TTC28: variants seen among roughly 807,000 people sequenced by gnomAD.
TTC28 encodes tetratricopeptide repeat protein 28.
In TTC28, 61 loss-of-function variants were observed where a neutral mutation model predicts 198.0. The ratio of observed to expected loss-of-function variants is 0.31; its 90% CI spans 0.25 to 0.38. The LOEUF is 0.38. Ranked by LOEUF, TTC28 falls within the 10% of genes least tolerant of loss-of-function variation. The pLI, the probability that TTC28 is intolerant of heterozygous loss-of-function variation, is 1.00. For missense variants in TTC28, 2,678 were observed against 3,164.0 expected (o/e 0.85, Z 3.69); for synonymous variants, 1,171 against 1,297.8 (o/e 0.90, Z 2.10).
intron 1 of TTC28, among the ~76,000 whole-genome samples, chr22:28,630,637 C>CT (rs749017283): frequency 4.9e-4 from 74 of 152,206 alleles, no homozygotes; most frequent in Non-Finnish European, 8.7e-4. Context: ...TATAGCCACA[C>CT]AAAACAGACT....
At chr22:28,368,514 T>C (rs1046283251) in intron 2 of TTC28, among the ~76,000 whole-genome samples, 1 of 152,048 alleles carries the variant, frequency 6.6e-6, no homozygotes, top group Non-Finnish European at 1.5e-5. Context: ...TTTACCACTG[T>C]TATTCAACAT....
intron 5 of TTC28, among the ~76,000 whole-genome samples, chr22:28,226,076 T>C (rs1928321125): frequency 6.6e-6 from 1 of 152,254 alleles, no homozygotes; most frequent in African/African-American, 2.4e-5. Flanking sequence ...AGTTTTTGGC[T>C]ATTATAGATA....
chr22:28,600,670 T>C (rs1220716225), intron 2 of TTC28, among the ~76,000 whole-genome samples: 2 of 152,080 alleles, frequency 1.3e-5, no homozygotes, highest in Admixed American at 6.6e-5. Context: ...AACCAACCCA[T>C]CAACCTACAC....
chr22:28,477,543 AAAC>A (rs2048183494), intron 2 of TTC28, among the ~76,000 whole-genome samples: 1 of 152,252 alleles, frequency 6.6e-6, no homozygotes. Flanking sequence ...AATCTAGAGA[AAAC>A]AACTAATCAC....
chr22:28,378,987 T>G (rs2146018847), intron 2 of TTC28, among the ~76,000 whole-genome samples: 1 of 152,074 alleles, frequency 6.6e-6, no homozygotes, highest in South Asian at 2.1e-4. Context: ...TTTAAATACA[T>G]TAATAAAGAA....
chr22:28,151,225 A>G (rs1447664243), intron 6 of TTC28, among the ~76,000 whole-genome samples: 1 of 152,210 alleles, frequency 6.6e-6, no homozygotes, highest in Non-Finnish European at 1.5e-5. Context: ...GTAATTCATC[A>G]AGCCCATTTC....
In TTC28 at chr22:27,978,545, C is replaced by G. The variant is rs576867828; in HGVS notation, c.*3676G>C. ...AGGGACCGGCTGCAGTGATCATATGCTGGAGCGTCACTGGGACAGAGAGAG... is the reference window on the plus strand; with the variant it reads ...AGGGACCGGCTGCAGTGATCATATGGTGGAGCGTCACTGGGACAGAGAGAG... On this transcript the variant is annotated 3_prime_UTR_variant, in exon 23 of 23. Coordinates refer to ENST00000397906, the MANE Select transcript of TTC28 (RefSeq NM_001145418.2). 1.2e-4 allele frequency: 19 copies of G among 152,348 alleles called. No homozygotes were observed. The highest frequency in any genetic ancestry group is 1.2e-3 in the Admixed American group (19 of 15,308). The allele number at this position is 152,348 out of a possible 1,614,324, so 9.4% of individuals were successfully genotyped here. A position where few individuals can be genotyped will look rare whatever the true frequency, so the allele number is the denominator to read the frequency against.
At chr22:28,093,415 A>G (rs1941871034) in intron 12 of TTC28, among the ~76,000 whole-genome samples, 2 of 152,264 alleles carry the variant, frequency 1.3e-5, no homozygotes, top group Admixed American at 6.5e-5. Flanking sequence ...CACTGGATGG[A>G]GAACAGAGAT....
At chr22:28,371,270 C>G (rs1056589110) in intron 2 of TTC28, among the ~76,000 whole-genome samples, 9 of 151,300 alleles carry the variant, frequency 5.9e-5, no homozygotes, top group African/African-American at 2.2e-4. Flanking sequence ...GTAGTCCCAG[C>G]ACTTTGGGAG....
intron 1 of TTC28, among the ~76,000 whole-genome samples, chr22:28,673,352 C>T (rs1395007059): frequency 2.6e-5 from 4 of 151,882 alleles, no homozygotes; most frequent in Non-Finnish European, 5.9e-5. Context: ...CCAGCCTGGG[C>T]GACAGAGACT....
At position 28,331,133 on chromosome 22, in the gene TTC28, A is replaced by C. The variant is rs143433141; in HGVS notation, c.382-24490T>G. On this transcript the variant is annotated intron_variant, in intron 2 of 22. Coordinates refer to ENST00000397906, the MANE Select transcript of TTC28 (RefSeq NM_001145418.2). ...CACCTTCACACGAGTAATCTTATTT[A>C]GTCTTAATAATTCTGCAAGGTAAAT... 1.2e-3 allele frequency among the ~76,000 whole-genome samples: 185 copies of C among 152,254 alleles called. 1 individual carries two copies. The highest frequency in any genetic ancestry group is 4.3e-3 in the African/African-American group (177 of 41,566).
intron 12 of TTC28, among the ~76,000 whole-genome samples, chr22:28,089,690 TAAAAAATA>T (rs1281482780): frequency 1.6e-5 from 2 of 128,044 alleles, no homozygotes; most frequent in African/African-American, 5.9e-5. Context: ...TAAAATAAAA[TAAAAAATA>T]AAAAAATAAA....
At chr22:28,432,640 AAAT>A in intron 2 of TTC28, among the ~76,000 whole-genome samples, 1 of 152,356 alleles carries the variant, frequency 6.6e-6, no homozygotes, top group Middle Eastern at 3.4e-3. Flanking sequence ...CTAGCATCAG[AAAT>A]AATTAGAACA....
In TTC28 at chr22:28,648,244, G is replaced by T. The variant is rs146520310; in HGVS notation, c.103-18414C>A. Among the ~76,000 whole-genome samples, 277 of 133,210 alleles carry T rather than the reference G, an allele frequency of 2.1e-3. 2 individuals carry two copies. The highest frequency in any genetic ancestry group is 0.015 in the Middle Eastern group (4 of 260). The allele number at this position is 133,210 out of a possible 152,430, so 87.4% of individuals were successfully genotyped here. A position where few individuals can be genotyped will look rare whatever the true frequency, so the allele number is the denominator to read the frequency against. ...GTCAAAAAAAAAAAAAAAAAAAAAT[G>T]CTCGACATCAGTAATCATCAGGGAA... On this transcript the variant is annotated intron_variant, in intron 1 of 22. Transcript: ENST00000397906.
At chr22:28,315,000 T>A (rs1028180650) in intron 2 of TTC28, among the ~76,000 whole-genome samples, 1 of 152,228 alleles carries the variant, frequency 6.6e-6, no homozygotes, top group Non-Finnish European at 1.5e-5. Context: ...GAATATTTGC[T>A]GCTTTTCTTC....
In TTC28 at chr22:28,200,224, G is replaced by A. The variant is rs969337228; in HGVS notation, c.934-36625C>T. ...CTTGCCTCAGCCTCCTAAGTAGCTG[G>A]GACTACAGATGCATGCCACCATGCC... On this transcript the variant is annotated intron_variant, in intron 5 of 22. Transcript: ENST00000397906. 2.5e-4 allele frequency among the ~76,000 whole-genome samples: 38 copies of A among 151,962 alleles called. 1 individual carries two copies. Among genetic ancestry groups the A allele is most frequent in the Admixed American group, 2.2e-3 (34 of 15,240 alleles).
chr22:28,226,829 A>G (rs1339474196), intron 5 of TTC28, among the ~76,000 whole-genome samples: 1 of 152,130 alleles, frequency 6.6e-6, no homozygotes, highest in Admixed American at 6.5e-5. Flanking sequence ...GTATTTGTTT[A>G]CTTTTATTTC....
chr22:28,191,362 G>A (rs1924727964), intron 5 of TTC28, among the ~76,000 whole-genome samples: 4 of 152,232 alleles, frequency 2.6e-5, no homozygotes, highest in Non-Finnish European at 5.9e-5. Flanking sequence ...CCCAGGGTGA[G>A]CAACACAGAA....
At chr22:28,447,738 A>C (rs1289152301) in intron 2 of TTC28, among the ~76,000 whole-genome samples, 2 of 152,216 alleles carry the variant, frequency 1.3e-5, no homozygotes, top group Non-Finnish European at 2.9e-5. Context: ...GAAGGGAGAA[A>C]ATATATTTAT....
Sources: gnomAD v4.1 joint callset for allele counts (sites outside exome capture counted in the v4.1 genomes callset) on GRCh38, gnomAD v4.1.1 for gene constraint, MANE v1.5 for transcripts, NCBI Gene and HGNC (gene_info 2026-07-23, HGNC 2026-07-21) for gene names.